Variants in TLL1 observed in about 807,000 individuals in gnomAD.
The protein encoded by TLL1 is tolloid like 1.
Under a neutral mutation model 128.2 loss-of-function variants are expected in TLL1, and 49 were observed. The ratio of observed to expected loss-of-function variants is 0.38; its 90% CI spans 0.30 to 0.48. The LOEUF is 0.48. Ranked by LOEUF, TLL1 falls within the 20% of genes least tolerant of loss-of-function variation. TLL1 has a pLI of 0.96. For missense variants in TLL1, 1,123 were observed against 1,242.0 expected, an observed-to-expected ratio of 0.90 and a Z score of 1.44; for synonymous variants, 454 against 418.8, an observed-to-expected ratio of 1.08 and a Z score of -1.03.
chr4:165,974,901 A>G (rs892510085), intron 1 of TLL1, among the ~76,000 whole-genome samples: 1 of 152,088 alleles, frequency 6.6e-6, no homozygotes, highest in Non-Finnish European at 1.5e-5. Context: ...TGTGATAGAG[A>G]TTATTATGTC....
intron 1 of TLL1, among the ~76,000 whole-genome samples, chr4:165,910,596 G>T (rs1416025505): frequency 6.6e-6 from 1 of 152,094 alleles, no homozygotes; most frequent in East Asian, 1.9e-4. Flanking sequence ...GGGCCCTTTT[G>T]TAACTAGTGT....
intron 1 of TLL1, among the ~76,000 whole-genome samples, chr4:165,944,849 A>G (rs1734172576): frequency 6.6e-6 from 1 of 152,156 alleles, no homozygotes; most frequent in Non-Finnish European, 1.5e-5. Flanking sequence ...AAGATTTTAG[A>G]TATGCTATGT....
In TLL1 at chr4:166,045,642, C is replaced by G. The variant is rs141202567; in HGVS notation, c.1524+2223C>G. Reference sequence around the variant, plus strand: ...TGCGCTACTGACAGGGGATTTCCATCACACCTAAAATAACATCTAGACTCG... The same window carrying G: ...TGCGCTACTGACAGGGGATTTCCATGACACCTAAAATAACATCTAGACTCG... On this transcript the variant is annotated intron_variant, in intron 12 of 20. Coordinates refer to ENST00000061240, the MANE Select transcript of TLL1 (RefSeq NM_012464.5). Among the ~76,000 whole-genome samples the G allele has an allele frequency of 1.5e-4, 23 of 152,224 alleles. 1 individual carries two copies. Among genetic ancestry groups the G allele is most frequent in the African/African-American group, 5.3e-4 (22 of 41,552 alleles).
chr4:165,887,016 A>C (rs1250754588), intron 1 of TLL1, among the ~76,000 whole-genome samples: 1 of 152,224 alleles, frequency 6.6e-6, no homozygotes, highest in Admixed American at 6.5e-5. Context: ...AAATACAGGA[A>C]GTGGCAAATG....
intron 1 of TLL1, among the ~76,000 whole-genome samples, chr4:165,896,730 G>C (rs762454492): frequency 6.6e-6 from 1 of 151,958 alleles, no homozygotes; most frequent in Non-Finnish European, 1.5e-5. Context: ...TGATCTGCCC[G>C]CCTTGGCATC....
At chr4:165,910,635 T>G (rs1429803886) in intron 1 of TLL1, among the ~76,000 whole-genome samples, 7 of 152,226 alleles carry the variant, frequency 4.6e-5, no homozygotes, top group Non-Finnish European at 1.0e-4. Context: ...ACTGATGTTT[T>G]CATGAAAATC....
At position 166,027,577 on chromosome 4, in the gene TLL1, A is replaced by G. The variant is rs372320280; in HGVS notation, c.1158+2146A>G. 1.1e-3 allele frequency among the ~76,000 whole-genome samples: 174 copies of G among 152,352 alleles called. 2 individuals carry two copies. In the South Asian group the frequency reaches 0.035, roughly 30 times the overall value. The stretch of plus-strand genomic sequence containing the variant: ...GTTCTTGATATAATTTAAAAATTAT[A>G]AGTGTTGTAATATGATCATAGGTGT... On this transcript the variant is annotated intron_variant, in intron 9 of 20. Coordinates refer to ENST00000061240, the MANE Select transcript of TLL1 (RefSeq NM_012464.5).
At chr4:165,970,706 T>G (rs1349106075) in intron 1 of TLL1, among the ~76,000 whole-genome samples, 1 of 151,906 alleles carries the variant, frequency 6.6e-6, no homozygotes, top group Non-Finnish European at 1.5e-5. Context: ...CGATAATGAT[T>G]CTAAAGTCCT....
intron 8 of TLL1, among the ~76,000 whole-genome samples, chr4:166,018,425 C>T (rs552758569): frequency 2.0e-5 from 3 of 152,062 alleles, no homozygotes; most frequent in South Asian, 2.1e-4. Flanking sequence ...TCCTCAAAAA[C>T]GATTCAACAA....
At chr4:165,902,379 T>G (rs922162055) in intron 1 of TLL1, among the ~76,000 whole-genome samples, 6 of 152,158 alleles carry the variant, frequency 3.9e-5, no homozygotes, top group African/African-American at 1.4e-4. Context: ...GCTGCCCAGT[T>G]TTGTGCTTGA....
chr4:165,944,137 A>T (rs946908666), intron 1 of TLL1, among the ~76,000 whole-genome samples: 2 of 152,188 alleles, frequency 1.3e-5, no homozygotes, highest in South Asian at 4.1e-4. Context: ...AAGATTTTTT[A>T]AAATGTACTG....
chr4:165,904,808 A>G (rs1298446372), intron 1 of TLL1, among the ~76,000 whole-genome samples: 2 of 152,230 alleles, frequency 1.3e-5, no homozygotes, highest in South Asian at 4.1e-4. Flanking sequence ...AAAATCTAAT[A>G]AGAAAACTAG....
At chr4:165,905,943 T>A (rs531486747) in intron 1 of TLL1, among the ~76,000 whole-genome samples, 48 of 152,152 alleles carry the variant, frequency 3.2e-4, no homozygotes, top group Non-Finnish European at 5.7e-4. Flanking sequence ...GTTCTAGGAA[T>A]GATTCTGCTT....
chr4:166,048,058 G>A (rs1739538705), intron 12 of TLL1, among the ~76,000 whole-genome samples: 1 of 151,944 alleles, frequency 6.6e-6, no homozygotes, highest in South Asian at 2.1e-4. Flanking sequence ...CCAACATGGT[G>A]AAACCCCGTC....
intron 1 of TLL1, among the ~76,000 whole-genome samples, chr4:165,960,434 G>A (rs950151914): frequency 2.0e-5 from 3 of 151,984 alleles, no homozygotes; most frequent in Non-Finnish European, 4.4e-5. Flanking sequence ...AAAAGTGAAG[G>A]AGGAGGGACT....
intron 12 of TLL1, among the ~76,000 whole-genome samples, chr4:166,045,336 T>C (rs1247901511): frequency 6.6e-6 from 1 of 152,220 alleles, no homozygotes; most frequent in Non-Finnish European, 1.5e-5. Flanking sequence ...TCTATTTATG[T>C]CAGTACTATT....
intron 1 of TLL1, among the ~76,000 whole-genome samples, chr4:165,928,922 T>C (rs1241792245): frequency 1.3e-5 from 2 of 152,194 alleles, no homozygotes; most frequent in African/African-American, 4.8e-5. Context: ...TCAAATTCTC[T>C]TGAAGTACTT....
chr4:166,012,002 A>G (rs1579621492), intron 7 of TLL1, among the ~76,000 whole-genome samples: 2 of 151,718 alleles, frequency 1.3e-5, no homozygotes, highest in East Asian at 3.9e-4. Flanking sequence ...GATGTTGCCC[A>G]TCAATATATT....
chr4:166,050,065 C>T (rs542176602), intron 12 of TLL1, among the ~76,000 whole-genome samples: 125 of 152,242 alleles, frequency 8.2e-4, no homozygotes, highest in African/African-American at 2.9e-3. Flanking sequence ...ATATACATAA[C>T]ATAAAATTTT....
Sources: gnomAD v4.1 joint callset for allele counts (sites outside exome capture counted in the v4.1 genomes callset) on GRCh38, gnomAD v4.1.1 for gene constraint, MANE v1.5 for transcripts, NCBI Gene and HGNC (gene_info 2026-07-23, HGNC 2026-07-21) for gene names.